CNTNAP3B: variants seen among roughly 807,000 people sequenced by gnomAD.
The protein encoded by CNTNAP3B is contactin-associated protein-like 3B.
CNTNAP3B carries 25 observed loss-of-function variants against 108.9 expected under a neutral mutation model. That is an observed-to-expected ratio of 0.23 (90% CI 0.17 to 0.32). CNTNAP3B has a LOEUF of 0.32. Ranked by LOEUF, CNTNAP3B falls within the 10% of genes least tolerant of loss-of-function variation. The pLI, the probability that CNTNAP3B is intolerant of heterozygous loss-of-function variation, is 1.00. For synonymous variants in CNTNAP3B, 103 were observed against 473.4 expected (o/e 0.22, Z 10.16); for missense variants, 252 against 1,210.4 (o/e 0.21, Z 11.75).
At chr9:42,061,317 CTTTTTTT>C (rs57755649) in intron 3 of CNTNAP3B, among the ~76,000 whole-genome samples, 1 of 93,070 alleles carries the variant, frequency 1.1e-5, no homozygotes. Context: ...TTTTCTTTTT[CTTTTTTT>C]TTTTTTTTTT....
intron 3 of CNTNAP3B, among the ~76,000 whole-genome samples, chr9:42,029,403 G>C (rs1455772554): frequency 1.6e-5 from 2 of 127,434 alleles, no homozygotes; most frequent in East Asian, 5.0e-4. Flanking sequence ...TCCTTTTATT[G>C]TTTGTTTTTA....
chr9:42,030,804 A>ATGT (rs1465079073), intron 3 of CNTNAP3B, among the ~76,000 whole-genome samples: 1 of 67,562 alleles, frequency 1.5e-5, no homozygotes, highest in African/African-American at 6.0e-5. Flanking sequence ...AGAGAGAGAG[A>ATGT]GAGAGAGAGG....
intron 14 of CNTNAP3B, among the ~76,000 whole-genome samples, chr9:41,930,434 A>G (rs1205878614): frequency 1.3e-5 from 2 of 152,300 alleles, no homozygotes; most frequent in African/African-American, 2.4e-5. Context: ...TCCCAGCTAC[A>G]TGGGAGGCTG....
chr9:42,090,892 T>C (rs1331385046), intron 2 of CNTNAP3B, among the ~76,000 whole-genome samples: 1 of 84,198 alleles, frequency 1.2e-5, no homozygotes, highest in Non-Finnish European at 2.4e-5. Context: ...GGAAAACTGG[T>C]GCCATTACAT....
intron 14 of CNTNAP3B, among the ~76,000 whole-genome samples, chr9:41,930,356 A>G (rs1429020174): frequency 2.0e-5 from 3 of 152,292 alleles, no homozygotes; most frequent in Non-Finnish European, 4.4e-5. Context: ...CAGCCTGGGC[A>G]ACATAGTGAG....
intron 13 of CNTNAP3B, among the ~76,000 whole-genome samples, chr9:41,941,336 G>T (rs1424655565): frequency 2.1e-5 from 3 of 141,584 alleles, no homozygotes; most frequent in Non-Finnish European, 4.6e-5. Flanking sequence ...ACATAGGCAG[G>T]TTAAAAGTAA....
chr9:41,939,667 C>T (rs1398103393), intron 13 of CNTNAP3B, among the ~76,000 whole-genome samples: 4 of 152,280 alleles, frequency 2.6e-5, no homozygotes, highest in Non-Finnish European at 4.4e-5. Context: ...CCGACTTCAC[C>T]ATTAAACTGT....
At chr9:42,066,448 C>T (rs1303641727) in intron 3 of CNTNAP3B, among the ~76,000 whole-genome samples, 1 of 65,558 alleles carries the variant, frequency 1.5e-5, no homozygotes, top group African/African-American at 5.8e-5. Context: ...TTTTTTGAGA[C>T]AGAGTTTCAC....
At chr9:42,031,410 A>ATAAC (rs1430948874) in intron 3 of CNTNAP3B, among the ~76,000 whole-genome samples, 1 of 110,210 alleles carries the variant, frequency 9.1e-6, no homozygotes, top group African/African-American at 3.9e-5. Flanking sequence ...TCTTTGCTGT[A>ATAAC]TAACTGCACT....
chr9:42,079,506 T>A, intron 2 of CNTNAP3B, among the ~76,000 whole-genome samples: 1 of 121,428 alleles, frequency 8.2e-6, no homozygotes, highest in South Asian at 2.7e-4. Context: ...TTTAAGGGGT[T>A]TTGTTTTGTT....
chr9:42,022,317 TGATTACACCCCCAACC>T (rs1826324600), intron 3 of CNTNAP3B, among the ~76,000 whole-genome samples: 1 of 38,470 alleles, frequency 2.6e-5, no homozygotes, highest in Admixed American at 3.3e-4. Flanking sequence ...CACACCCCTA[TGATTACACCCCCAACC>T]AATCAGCGGC....
intron 1 of CNTNAP3B, among the ~76,000 whole-genome samples, chr9:42,111,444 T>C (rs971860802): frequency 2.9e-5 from 4 of 138,032 alleles, no homozygotes; most frequent in South Asian, 2.4e-4. Context: ...AGAACAGAAA[T>C]AAAGGAAAAT....
chr9:41,977,983 G>GAAA (rs71288161), intron 9 of CNTNAP3B, among the ~76,000 whole-genome samples: 1 of 118,670 alleles, frequency 8.4e-6, no homozygotes. Context: ...AAGGATTCTG[G>GAAA]AAAAAAAAAA....
intron 4 of CNTNAP3B, among the ~76,000 whole-genome samples, chr9:42,002,723 A>T (rs1365381206): frequency 2.4e-5 from 3 of 123,452 alleles, no homozygotes; most frequent in Non-Finnish European, 3.4e-5. Flanking sequence ...ATTCACAGTG[A>T]TGCTTCTGTA....
chr9:41,979,769 T>TA, intron 9 of CNTNAP3B: 1 of 101,732 alleles, frequency 9.8e-6, no homozygotes. Flanking sequence ...TGTGTATTTT[T>TA]GTAGATACAG....
At chr9:41,932,672 A>G (rs1824015911) in intron 14 of CNTNAP3B, among the ~76,000 whole-genome samples, 1 of 152,290 alleles carries the variant, frequency 6.6e-6, no homozygotes, top group Admixed American at 6.5e-5. Context: ...TGCGTGCGCC[A>G]CTACGCTCAG....
At chr9:42,014,296 A>G (rs1587199668) in intron 3 of CNTNAP3B, among the ~76,000 whole-genome samples, 1 of 55,450 alleles carries the variant, frequency 1.8e-5, no homozygotes, top group Middle Eastern at 7.0e-3. Flanking sequence ...TGTTTTAGAT[A>G]TTTTTTCATT....
chr9:41,927,535 G>T (rs1823855211), intron 15 of CNTNAP3B, among the ~76,000 whole-genome samples: 2 of 147,508 alleles, frequency 1.4e-5, no homozygotes, highest in African/African-American at 5.0e-5. Flanking sequence ...GGGAAGGAGA[G>T]AAAGAGGGAG....
chr9:42,096,513 A>G (rs1246046234), intron 2 of CNTNAP3B, among the ~76,000 whole-genome samples: 1 of 135,554 alleles, frequency 7.4e-6, no homozygotes, highest in African/African-American at 3.0e-5. Context: ...ACTCAAGACA[A>G]TCTGAGTTAG....
Sources: allele counts gnomAD v4.1 joint callset (sites outside exome capture counted in the v4.1 genomes callset), GRCh38; gene constraint gnomAD v4.1.1; transcripts MANE v1.5; gene names NCBI Gene and HGNC (gene_info 2026-07-23, HGNC 2026-07-21).